The following EXTL3 variants were observed in gnomAD, a reference collection of about 807,000 sequenced individuals.
EXTL3 encodes the protein exostosin-like 3.
Under a neutral mutation model 69.3 loss-of-function variants are expected in EXTL3, and 27 were observed. That is an observed-to-expected ratio of 0.39 (90% confidence interval 0.29 to 0.54). The LOEUF (loss-of-function observed/expected upper bound fraction) is 0.54. Ranked by LOEUF, EXTL3 falls within the 20% of genes least tolerant of loss-of-function variation. The pLI is 0.69. For synonymous variants in EXTL3, 511 were observed against 499.4 expected (o/e 1.02, Z -0.31); for missense variants, 1,003 against 1,231.8 (o/e 0.81, Z 2.78).
rs889414069 is a variant in EXTL3 at position 28,623,408 on chromosome 8, A to G, written c.-53+598A>G. 3.9e-5 allele frequency among the ~76,000 whole-genome samples: 6 copies of G among 152,156 alleles called. No individual in the cohort carries two copies. The highest frequency in any genetic ancestry group is 1.9e-4 in the East Asian group (1 of 5,196). ...GCTGACTTTAATTTGGGATCCCACA[A>G]TTTGAGCTTTTCAAAAGTTAAGTTT... On this transcript the variant is annotated intron_variant, in intron 1 of 6. Transcript: ENST00000523149. This position sits in a 1 kb window ranked among gnomAD's most constrained non-coding sequence, Gnocchi z 4.2.
At chr8:28,628,190 C>G (rs916507916) in intron 1 of EXTL3, among the ~76,000 whole-genome samples, 2 of 152,124 alleles carry the variant, frequency 1.3e-5, no homozygotes, top group Non-Finnish European at 2.9e-5. Context: ...GGTGAAACCC[C>G]GTCTCTGCTA....
chr8:28,687,919 T>G (rs1464945470), intron 1 of EXTL3, among the ~76,000 whole-genome samples: 1 of 152,212 alleles, frequency 6.6e-6, no homozygotes, highest in East Asian at 1.9e-4. Context: ...GTTCTTTTTT[T>G]CATTTTGTGT....
upstream of EXTL3, among the ~76,000 whole-genome samples, chr8:28,620,386 A>G (rs1806395040): frequency 6.6e-6 from 1 of 152,112 alleles, no homozygotes; most frequent in African/African-American, 2.4e-5. Context: ...GCTCCTATGG[A>G]ACTTGAACTA....
chr8:28,727,914 T>G (rs893635682), intron 3 of EXTL3, among the ~76,000 whole-genome samples: 1 of 152,208 alleles, frequency 6.6e-6, no homozygotes, highest in Non-Finnish European at 1.5e-5. Context: ...CCTTGCTATA[T>G]TCCTGGTTTA....
At chr8:28,662,059 A>G (rs987155423) in intron 1 of EXTL3, among the ~76,000 whole-genome samples, 2 of 151,744 alleles carry the variant, frequency 1.3e-5, no homozygotes, top group Admixed American at 6.6e-5. Context: ...GTATAGATGT[A>G]TGTGTATATA....
chr8:28,614,475 T>C (rs150090663), intron 2 of EXTL3, among the ~76,000 whole-genome samples: 67 of 152,132 alleles, frequency 4.4e-4, no homozygotes, highest in Middle Eastern at 6.8e-3. Context: ...GATTTTACCA[T>C]GTTGCTCAGG....
chr8:28,731,379 T>A (rs376773543), intron 4 of EXTL3, 29 bp downstream of exon 4: 2 of 1,613,968 alleles, frequency 1.2e-6, no homozygotes, highest in African/African-American at 2.7e-5. Context: ...ATCAAAACTT[T>A]AGGTTGCAAG....
chr8:28,655,510 G>C (rs1388571180), intron 1 of EXTL3, among the ~76,000 whole-genome samples: 1 of 119,060 alleles, frequency 8.4e-6, no homozygotes. Flanking sequence ...TTTTTTTTGA[G>C]ACAGCGTCTC....
chr8:28,737,050 ATCC>A (rs1252294826), intron 4 of EXTL3, among the ~76,000 whole-genome samples: 1 of 152,206 alleles, frequency 6.6e-6, no homozygotes, highest in African/African-American at 2.4e-5. Flanking sequence ...GCTTCAAGCA[ATCC>A]TCCTGTGTTG....
chr8:28,715,788 G>A lies in EXTL3; in HGVS notation c.-272G>A, dbSNP rs1009006477. ...CAGGTACCTCCTCCCTTTCATCTCA[G>A]CAAGAATGTGGCACCTTTTATCGTT... is the stretch of plus-strand genomic sequence containing the variant. On this transcript the variant is annotated 5_prime_UTR_variant, in exon 3 of 7. Coordinates refer to ENST00000220562, the MANE Select transcript of EXTL3 (RefSeq NM_001440.4). 4.3e-6 allele frequency: 2 copies of A among 466,376 alleles called. No homozygotes were observed. The highest frequency in any genetic ancestry group is 3.7e-5 in the Admixed American group (1 of 26,764). 28.9% of individuals were successfully genotyped at this position (466,376 alleles called of 1,614,324 possible). A position where few individuals can be genotyped will look rare whatever the true frequency, so the allele number is the denominator to read the frequency against.
rs1175269797 is a variant in EXTL3, at chr8:28,715,810, C to T, written c.-250C>T. On this transcript the variant is annotated 5_prime_UTR_variant, in exon 3 of 7. Transcript: ENST00000220562. ...TCAGCAAGAATGTGGCACCTTTTAT[C>T]GTTTGATAAAGATTAAGGACATGTT... The T allele has an allele frequency of 4.0e-6, 2 of 497,136 alleles. No individual in the cohort carries two copies. The highest frequency in any genetic ancestry group is 3.2e-5 in the East Asian group (1 of 31,104). The allele number at this position is 497,136 out of a possible 1,614,324, so 30.8% of individuals were successfully genotyped here. A position where few individuals can be genotyped will look rare whatever the true frequency, so the allele number is the denominator to read the frequency against.
intron 2 of EXTL3, among the ~76,000 whole-genome samples, chr8:28,610,215 ATGTG>A (rs367793242): frequency 9.4e-5 from 14 of 149,430 alleles, no homozygotes; most frequent in South Asian, 2.1e-4. Context: ...AAATATGTAT[ATGTG>A]TGTGTGTGTG....
At chr8:28,684,798 G>A (rs1807549380) in intron 1 of EXTL3, among the ~76,000 whole-genome samples, 1 of 152,092 alleles carries the variant, frequency 6.6e-6, no homozygotes, top group Admixed American at 6.6e-5. Context: ...GTGCAGAAAA[G>A]TTGTAAAAGT....
chr8:28,644,983 A>C (rs1002799478), intron 1 of EXTL3, among the ~76,000 whole-genome samples: 1 of 152,172 alleles, frequency 6.6e-6, no homozygotes, highest in African/African-American at 2.4e-5. Flanking sequence ...GGTCAGGCCA[A>C]CTAGTCTTTC....
rs1227581172 is a variant in EXTL3 at position 28,752,832 on chromosome 8, GGCT to G, written c.*1970_*1972del. On this transcript the variant is annotated 3_prime_UTR_variant, in exon 7 of 7. Transcript: ENST00000220562. ...AGTGTGGTGTGTGGCGCTATATTGT[GGCT>G]GCTATTTCATCTGGTTTCTTTTAAT... 2 of 152,800 alleles carry G rather than the reference GGCT, an allele frequency of 1.3e-5. No individual in the cohort carries two copies. The highest frequency in any genetic ancestry group is 4.8e-5 in the African/African-American group (2 of 41,438). 9.5% of individuals were successfully genotyped at this position (152,800 alleles called of 1,614,324 possible). A position where few individuals can be genotyped will look rare whatever the true frequency, so the allele number is the denominator to read the frequency against.
intron 1 of EXTL3, among the ~76,000 whole-genome samples, chr8:28,675,237 A>T (rs1399657165): frequency 6.6e-6 from 1 of 152,176 alleles, no homozygotes; most frequent in Non-Finnish European, 1.5e-5. Context: ...TATGATCTAA[A>T]GCAGGCATCT....
At chr8:28,739,586 C>T (rs1801733188) in intron 5 of EXTL3, among the ~76,000 whole-genome samples, 1 of 152,146 alleles carries the variant, frequency 6.6e-6, no homozygotes, top group Non-Finnish European at 1.5e-5. Flanking sequence ...CCGCCTTAGC[C>T]TCCCAAAGTG....
At chr8:28,668,865 C>CTCTTATTTTTTTTTTT (rs1193812924) in intron 1 of EXTL3, among the ~76,000 whole-genome samples, 19 of 94,478 alleles carry the variant, frequency 2.0e-4, no homozygotes, top group African/African-American at 8.7e-4. Context: ...GATAGAATCT[C>CTCTTATTTTTTTTTTT]TTTTTTTTTT....
chr8:28,609,750 C>T (rs898680079), intron 2 of EXTL3, among the ~76,000 whole-genome samples: 50 of 151,406 alleles, frequency 3.3e-4, no homozygotes, highest in African/African-American at 1.1e-3. Context: ...AATAACTGCG[C>T]GTGATGGTGT....
Sources: gnomAD v4.1 joint callset for allele counts (sites outside exome capture counted in the v4.1 genomes callset) on GRCh38, gnomAD v4.1.1 for gene constraint, Gnocchi (gnomAD v3.1) non-coding constraint, MANE v1.5 for transcripts, NCBI Gene and HGNC (gene_info 2026-07-23, HGNC 2026-07-21) for gene names.